Variants in ZFAT observed in about 807,000 individuals in gnomAD.
ZFAT encodes the protein zinc finger and AT-hook domain containing.
In ZFAT, 64 loss-of-function variants were observed where a neutral mutation model predicts 117.7. The observed-to-expected ratio is 0.54, with a 90% CI of 0.44 to 0.67. ZFAT has a LOEUF of 0.67. Ranked by LOEUF, ZFAT falls within the 30% of genes least tolerant of loss-of-function variation. The pLI, the probability that ZFAT is intolerant of heterozygous loss-of-function variation, is 0.00. For synonymous variants in ZFAT, 679 were observed against 615.0 expected (o/e 1.10, Z -1.54); for missense variants, 1,433 against 1,584.5 (o/e 0.90, Z 1.62).
At chr8:134,570,309 A>T (rs971381367) in intron 10 of ZFAT, among the ~76,000 whole-genome samples, 1 of 152,140 alleles carries the variant, frequency 6.6e-6, no homozygotes, top group Non-Finnish European at 1.5e-5. Flanking sequence ...CTATATTTTC[A>T]TACTGAAATG....
chr8:134,650,111 C>A (rs1292954270), intron 2 of ZFAT, among the ~76,000 whole-genome samples: 2 of 151,540 alleles, frequency 1.3e-5, no homozygotes, highest in East Asian at 3.9e-4. Context: ...AACCTCTTTT[C>A]TTTTTTATTT....
chr8:134,521,695 A>G (rs1308793386), intron 12 of ZFAT, among the ~76,000 whole-genome samples: 1 of 152,242 alleles, frequency 6.6e-6, no homozygotes, highest in Non-Finnish European at 1.5e-5. Flanking sequence ...ATACAGAAGC[A>G]GCAACTAAAC....
the ZFAT span, chr8:134,723,847 A>G: frequency 6.6e-6 from 1 of 152,238 alleles, no homozygotes; most frequent in East Asian, 1.9e-4. Context: ...TCAGAGAGAA[A>G]TGCTGCTGTA....
At chr8:134,528,104 T>C (rs1349934660) in intron 12 of ZFAT, among the ~76,000 whole-genome samples, 1 of 152,192 alleles carries the variant, frequency 6.6e-6, no homozygotes, top group Non-Finnish European at 1.5e-5. Context: ...CTCCTCCTCC[T>C]CTCTAATAAG....
intron 3 of ZFAT, among the ~76,000 whole-genome samples, chr8:134,629,977 G>A (rs1464970760): frequency 6.6e-6 from 1 of 152,090 alleles, no homozygotes; most frequent in Non-Finnish European, 1.5e-5. Context: ...ACTCCAGCTG[G>A]GTCCCTGAGT....
At chr8:134,796,529 C>G in the ZFAT span, 1 of 152,144 alleles carries the variant, frequency 6.6e-6, no homozygotes, top group South Asian at 2.1e-4. Flanking sequence ...TTTCCTTTAT[C>G]TCTAATAATG....
intron 5 of ZFAT, among the ~76,000 whole-genome samples, chr8:134,603,618 A>T (rs1382006931): frequency 1.3e-5 from 2 of 152,236 alleles, no homozygotes; most frequent in Non-Finnish European, 2.9e-5. Context: ...TCCCAAGAAA[A>T]GAGAACCAAT....
chr8:134,792,792 G>C, the ZFAT span: 1 of 152,184 alleles, frequency 6.6e-6, no homozygotes, highest in Admixed American at 6.5e-5. Flanking sequence ...ATAAACCCAA[G>C]GTTTTTGATT....
chr8:134,512,388 T>C, intron 14 of ZFAT, 87 bp downstream of exon 14: 1 of 1,546,246 alleles, frequency 6.5e-7, no homozygotes. Context: ...GATCACCTGA[T>C]GGACATCATT....
the ZFAT span, among the ~76,000 whole-genome samples, chr8:134,776,497 T>C: frequency 6.6e-6 from 1 of 152,130 alleles, no homozygotes; most frequent in African/African-American, 2.4e-5. Flanking sequence ...AGAGACAGGG[T>C]CTCACCATGT....
At chr8:134,710,410 A>G (rs1366754314) in intron 1 of ZFAT, among the ~76,000 whole-genome samples, 1 of 152,300 alleles carries the variant, frequency 6.6e-6, no homozygotes, top group East Asian at 1.9e-4. Flanking sequence ...TCTGAAACCA[A>G]TGGTCTTTGT....
intron 1 of ZFAT, among the ~76,000 whole-genome samples, chr8:134,699,527 T>A (rs537278639): frequency 1.3e-5 from 2 of 151,982 alleles, no homozygotes; most frequent in African/African-American, 4.8e-5. Flanking sequence ...TTAAATTAAA[T>A]GAGGTAGGGT....
At chr8:134,719,627 A>T in the ZFAT span, among the ~76,000 whole-genome samples, 1 of 152,172 alleles carries the variant, frequency 6.6e-6, no homozygotes, top group Non-Finnish European at 1.5e-5. Context: ...TCAGCTAAAA[A>T]CAGACATAAA....
At chr8:134,803,025 C>T in the ZFAT span, among the ~76,000 whole-genome samples, 5 of 152,156 alleles carry the variant, frequency 3.3e-5, no homozygotes, top group Admixed American at 6.5e-5. Flanking sequence ...AAACTGACAT[C>T]GTCTTTGATT....
chr8:134,777,778 T>C, the ZFAT span, among the ~76,000 whole-genome samples: 1 of 152,184 alleles, frequency 6.6e-6, no homozygotes, highest in Non-Finnish European at 1.5e-5. Flanking sequence ...TTCTATGACA[T>C]TGTCTGAGTG....
intron 1 of ZFAT, among the ~76,000 whole-genome samples, chr8:134,671,401 C>T (rs1452431295): frequency 7.2e-5 from 11 of 152,118 alleles, no homozygotes; most frequent in Admixed American, 2.0e-4. Flanking sequence ...AAAGCTTATC[C>T]ACCATGATCA....
chr8:134,628,025 G>T (rs1429271244), intron 3 of ZFAT, among the ~76,000 whole-genome samples: 1 of 152,178 alleles, frequency 6.6e-6, no homozygotes, highest in Non-Finnish European at 1.5e-5. Context: ...GAGAAGCCCA[G>T]ATCTGCTGGG....
the ZFAT span, among the ~76,000 whole-genome samples, chr8:134,821,923 G>A: frequency 6.6e-6 from 1 of 152,100 alleles, no homozygotes; most frequent in African/African-American, 2.4e-5. Context: ...ACAAAGGTAA[G>A]AAGTAAAACA....
chr8:134,635,037 C>T (rs1348257121), intron 3 of ZFAT, among the ~76,000 whole-genome samples: 2 of 152,200 alleles, frequency 1.3e-5, no homozygotes, highest in Admixed American at 6.5e-5. Flanking sequence ...AAGCGAGTGT[C>T]GCAGCTGATC....
Sources: allele counts gnomAD v4.1 joint callset (sites outside exome capture counted in the v4.1 genomes callset), GRCh38; gene constraint gnomAD v4.1.1; transcripts MANE v1.5; gene names NCBI Gene and HGNC (gene_info 2026-07-23, HGNC 2026-07-21).